Variants in MYO15A observed in about 807,000 individuals in gnomAD.
MYO15A encodes the protein unconventional myosin-XV.
Under a neutral mutation model 394.6 loss-of-function variants are expected in MYO15A, and 308 were observed. The observed-to-expected ratio is 0.78, with a 90% CI of 0.71 to 0.86. The LOEUF (loss-of-function observed/expected upper bound fraction) is 0.86, where lower values mean the gene tolerates loss of function less well. Ranked by LOEUF, MYO15A falls within the 40% of genes least tolerant of loss-of-function variation. The pLI, the probability that MYO15A is intolerant of heterozygous loss-of-function variation, is 0.00. For missense variants in MYO15A, 4,606 were observed against 4,799.1 expected (o/e 0.96, Z 1.19); for synonymous variants, 1,957 against 2,003.8 (o/e 0.98, Z 0.62).
chr17:18,147,880 TG>T lies in MYO15A; in HGVS notation c.6510-147del. The T allele has an allele frequency of 1.0e-6, 1 of 991,822 alleles. No individual in the cohort carries two copies. Among genetic ancestry groups the T allele is most frequent in the Non-Finnish European group, 1.6e-6 (1 of 644,196 alleles). The allele number at this position is 991,822 out of a possible 1,614,324, so 61.4% of individuals were successfully genotyped here. On this transcript the variant is annotated intron_variant, in intron 30 of 65. Coordinates refer to ENST00000647165, the MANE Select transcript of MYO15A (RefSeq NM_016239.4). The surrounding 1 kb of genome is among the most constrained non-coding windows in gnomAD (Gnocchi z 4.4). The stretch of plus-strand genomic sequence containing the variant: ...AGCCTGGGACCCTTGTGAACCAGCC[TG>T]GAGCCTTTTTAGCCTCACCTTGGAG...
At chr17:18,163,894 C>T in intron 60 of MYO15A, 56 bp downstream of exon 60, 2 of 1,555,810 alleles carry the variant, frequency 1.3e-6, no homozygotes, top group Non-Finnish European at 1.8e-6. Flanking sequence ...GGGCCTTGTG[C>T]CATGTGGGGC....
Position 18,155,514 on chromosome 17 carries a change from T to C in MYO15A, c.8459+82T>C. On this transcript the variant is annotated intron_variant, in intron 47 of 65. Coordinates refer to ENST00000647165, the MANE Select transcript of MYO15A (RefSeq NM_016239.4). ...GCATTTCCTTCCCCTCCACAGCCAC[T>C]TACCAAGTACCCATGATGCGCCAGG... 3 of 1,292,070 alleles carry C rather than the reference T, an allele frequency of 2.3e-6. No homozygotes were observed. In the South Asian group the frequency reaches 3.6e-5, roughly 15 times the overall value. The allele number at this position is 1,292,070 out of a possible 1,614,324, so 80.0% of individuals were successfully genotyped here. A position where few individuals can be genotyped will look rare whatever the true frequency, so the allele number is the denominator to read the frequency against.
In MYO15A at chr17:18,167,699, A is replaced by G; in HGVS notation, c.10058A>G (p.Lys3353Arg). 1 of 1,603,948 alleles carries G rather than the reference A, an allele frequency of 6.2e-7. No individual in the cohort carries two copies. The highest frequency in any genetic ancestry group is 8.5e-7 in the Non-Finnish European group (1 of 1,179,950). ...SKLASLQHRAKDHFYLPSVRE... is the reference protein window; with the variant it reads ...SKLASLQHRARDHFYLPSVRE... ...CTGGCTTCACTGCAGCATCGCGCCA[A>G]GGACCACTTCTACCTGCCGAGCGTG... The change falls in exon 62 of 66, where the codon AAG becomes AGG. Residue 3353 changes from lysine (K) to arginine (R), a missense_variant. By Grantham distance (26) the Lys-to-Arg change is conservative. This residue lies in a region of MYO15A where 2,776 missense variants were observed against 3,109.3 expected (regional missense o/e 0.89). Coordinates refer to ENST00000647165, the MANE Select transcript of MYO15A (RefSeq NM_016239.4).
At chr17:18,135,864 A>G (rs780175106) in intron 13 of MYO15A, 40 bp downstream of exon 13, 14 of 1,567,372 alleles carry the variant, frequency 8.9e-6, no homozygotes, top group Non-Finnish European at 1.0e-5. Flanking sequence ...AAAGCTTTCT[A>G]CCAGGGCCTG....
chr17:18,145,019 AT>A (rs774017518), intron 29 of MYO15A, among the ~76,000 whole-genome samples: 2 of 152,118 alleles, frequency 1.3e-5, no homozygotes, highest in African/African-American at 2.4e-5. Flanking sequence ...AGGAGAAGGC[AT>A]TTGAGCTGGA....
At chr17:18,163,392 T>C in intron 59 of MYO15A, 71 bp downstream of exon 59, 1 of 1,505,506 alleles carries the variant, frequency 6.6e-7, no homozygotes, top group Non-Finnish European at 9.2e-7. Context: ...GGCTCCAGGA[T>C]GGGGGTGGAG....
At chr17:18,142,991 T>G in intron 25 of MYO15A, 151 bp downstream of exon 25, 7 of 735,282 alleles carry the variant, frequency 9.5e-6, no homozygotes, top group Admixed American at 8.0e-5. Flanking sequence ...CCATTGTCTA[T>G]CCTCGATTTT....
intron 22 of MYO15A, 61 bp from the exon 23 acceptor site, chr17:18,141,591 TG>T: frequency 6.7e-7 from 1 of 1,485,352 alleles, no homozygotes; most frequent in Non-Finnish European, 9.4e-7. Context: ...AGTAACCCCA[TG>T]GTCTAGCAGA....
chr17:18,173,046 G>A (rs1409605595), intron 64 of MYO15A, among the ~76,000 whole-genome samples: 1 of 152,210 alleles, frequency 6.6e-6, no homozygotes, highest in East Asian at 1.9e-4. Flanking sequence ...AAGTGAGACA[G>A]GGAAGGGATG....
At chr17:18,125,708 CAAAAAAAAAAAAAAA>C (rs5819643) in intron 4 of MYO15A, 657 of 59,866 alleles carry the variant, frequency 0.011, 4 homozygotes, top group South Asian at 0.016. Context: ...GACTCCATCT[CAAAAAAAAAAAAAAA>C]AAAAAAAAAA....
chr17:18,125,184 A>G lies in MYO15A; in HGVS notation c.3709A>G (p.Thr1237Ala). ...TCCTTCTAGAGACCTCCAGGAAACC[A>G]CTGTGCTGTCCAACCTCAAGATTAG... ...MTQLEDLQET[T>A]VLSNLKIRFE... Residue 1237 changes from threonine (T) to alanine (A), a missense_variant, in exon 4 of 66, where the codon ACT becomes GCT. This residue lies in a region of MYO15A where 2,776 missense variants were observed against 3,109.3 expected (regional missense o/e 0.89). Coordinates refer to ENST00000647165, the MANE Select transcript of MYO15A (RefSeq NM_016239.4). 6.2e-7 allele frequency: 1 copy of G among 1,614,124 alleles called. No individual in the cohort carries two copies. The highest frequency in any genetic ancestry group is 8.5e-7 in the Non-Finnish European group (1 of 1,180,030).
intron 62 of MYO15A, among the ~76,000 whole-genome samples, chr17:18,170,785 C>G (rs2046928691): frequency 6.6e-6 from 1 of 152,246 alleles, no homozygotes; most frequent in South Asian, 2.1e-4. Context: ...GCAAGGGACT[C>G]TGCATCTGCA....
rs1438763545 is a variant in MYO15A at position 18,119,576 on chromosome 17, C to A, written c.776C>A (p.Pro259His). ...CTCCACCGCTACGAGGAGCAGGAAC[C>A]CTACCTGGCGGGCCTCGGCCCCTAC... The part of the protein sequence containing the change: ...QSLHRYEEQE[P>H]YLAGLGPYSP... The change falls in exon 2 of 66, where the codon CCC (proline) becomes CAC (histidine). Residue 259 changes from proline (P) to histidine (H), a missense_variant. Coordinates refer to ENST00000647165, the MANE Select transcript of MYO15A (RefSeq NM_016239.4). 1 of 1,605,936 alleles carries A rather than the reference C, an allele frequency of 6.2e-7. No individual in the cohort carries two copies. The highest frequency in any genetic ancestry group is 1.1e-5 in the South Asian group (1 of 91,090).
intron 44 of MYO15A, 119 bp downstream of exon 44, chr17:18,154,309 G>C: frequency 8.4e-7 from 1 of 1,195,240 alleles, no homozygotes; most frequent in Non-Finnish European, 1.2e-6. Context: ...TGACAGGGGT[G>C]AGGATGGGCA....
At position 18,145,966 on chromosome 17, in the gene MYO15A, T is replaced by C; in HGVS notation, c.6368T>C (p.Leu2123Pro). Residue 2123 changes from leucine (L) to proline (P), a missense_variant, in exon 30 of 66, where the codon CTG becomes CCG. Coordinates refer to ENST00000647165, the MANE Select transcript of MYO15A (RefSeq NM_016239.4). Reference sequence around the variant, plus strand: ...CAGAAGGGGCTGGCGGTGCCTGAGCTGCGGGATGAGATCCTGGCACAGCTG... The same window carrying C: ...CAGAAGGGGCTGGCGGTGCCTGAGCCGCGGGATGAGATCCTGGCACAGCTG... ...IVQKGLAVPE[L>P]RDEILAQLAN... 1 of 1,613,694 alleles carries C rather than the reference T, an allele frequency of 6.2e-7. No homozygotes were observed. Among genetic ancestry groups the C allele is most frequent in the Non-Finnish European group, 8.5e-7 (1 of 1,180,002 alleles).
chr17:18,112,620 C>T (rs1173409885), intron 1 of MYO15A, among the ~76,000 whole-genome samples: 3 of 152,194 alleles, frequency 2.0e-5, no homozygotes, highest in African/African-American at 4.8e-5. Context: ...ATTGTCTGGG[C>T]TGGTCTTGAA....
chr17:18,124,322 G>A, intron 2 of MYO15A, 161 bp from the exon 3 acceptor site: 2 of 721,876 alleles, frequency 2.8e-6, no homozygotes, highest in East Asian at 2.7e-5. Flanking sequence ...GCAGGTTCTG[G>A]GGGCCACAGC....
In MYO15A at chr17:18,156,342, G is replaced by T. The variant is rs1314389134; in HGVS notation, c.8601+6G>T. On this transcript the variant is annotated splice_donor_region_variant and intron_variant, in intron 48 of 65. Transcript: ENST00000647165. ...TCATCTTGGAGCTGAAGAAGGTCAG[G>T]ATCTTCTCACAGATCTTCCCTCCAC... 1.2e-6 allele frequency: 2 copies of T among 1,613,938 alleles called. No homozygotes were observed. Among genetic ancestry groups the T allele is most frequent in the Non-Finnish European group, 1.7e-6 (2 of 1,179,976 alleles).
chr17:18,166,225 A>G (rs2046851624), intron 60 of MYO15A, 136 bp from the exon 61 acceptor site: 1 of 1,069,702 alleles, frequency 9.3e-7, no homozygotes, highest in African/African-American at 1.6e-5. Flanking sequence ...GCTGTGTCCC[A>G]GAACAGGCAG....
Sources: gnomAD v4.1 joint callset for allele counts (sites outside exome capture counted in the v4.1 genomes callset) on GRCh38, gnomAD v4.1.1 for gene constraint, gnomAD v4.1.1 regional missense constraint, Gnocchi (gnomAD v3.1) non-coding constraint, MANE v1.5 for transcripts, NCBI Gene and HGNC (gene_info 2026-07-23, HGNC 2026-07-21) for gene names.